APBA1: variants seen among roughly 807,000 people sequenced by gnomAD.
APBA1 encodes the protein amyloid-beta A4 precursor protein-binding family A member 1.
A neutral mutation model predicts 86.6 loss-of-function variants in APBA1; 55 were observed. The ratio of observed to expected loss-of-function variants is 0.64; its 90% CI spans 0.51 to 0.80. The LOEUF (loss-of-function observed/expected upper bound fraction) is 0.80, where lower values mean the gene tolerates loss of function less well. Ranked by LOEUF, APBA1 falls within the 30% of genes least tolerant of loss-of-function variation. The pLI is 0.00. For missense variants in APBA1, 1,090 were observed against 1,183.0 expected, an observed-to-expected ratio of 0.92 and a Z score of 1.15; for synonymous variants, 511 against 493.9, an observed-to-expected ratio of 1.03 and a Z score of -0.46.
At chr9:69,443,330 G>C (rs926970044) in intron 10 of APBA1, among the ~76,000 whole-genome samples, 1 of 152,222 alleles carries the variant, frequency 6.6e-6, no homozygotes, top group East Asian at 1.9e-4. Context: ...GACCTCATCT[G>C]CATCCAGGTG....
chr9:69,493,008 T>C (rs1835738588), intron 2 of APBA1, among the ~76,000 whole-genome samples: 2 of 151,964 alleles, frequency 1.3e-5, no homozygotes, highest in Admixed American at 1.3e-4. Context: ...GAATCAGGTG[T>C]TGGGTTTTTA....
At chr9:69,447,447 G>A (rs539944805) in intron 10 of APBA1, among the ~76,000 whole-genome samples, 5 of 152,150 alleles carry the variant, frequency 3.3e-5, no homozygotes, top group Non-Finnish European at 5.9e-5. Flanking sequence ...ATAACTCTGT[G>A]CTGTGGGGCT....
intron 1 of APBA1, among the ~76,000 whole-genome samples, chr9:69,561,946 G>A (rs1262210187): frequency 6.6e-6 from 1 of 152,042 alleles, no homozygotes; most frequent in African/African-American, 2.4e-5. Flanking sequence ...ATTTTTTAAG[G>A]TGACTGTAAT....
intron 2 of APBA1, among the ~76,000 whole-genome samples, chr9:69,511,226 GA>G (rs1157169730): frequency 6.6e-6 from 1 of 152,048 alleles, no homozygotes; most frequent in African/African-American, 2.4e-5. Context: ...AAATTTACAA[GA>G]AAAAACCAAA....
chr9:69,567,441 T>C (rs1303675792), intron 1 of APBA1, among the ~76,000 whole-genome samples: 1 of 152,194 alleles, frequency 6.6e-6, no homozygotes, highest in Non-Finnish European at 1.5e-5. Flanking sequence ...TTTTGTATTA[T>C]ACTTTAAGTT....
At chr9:69,589,963 G>A (rs750688863) in intron 1 of APBA1, among the ~76,000 whole-genome samples, 3 of 152,130 alleles carry the variant, frequency 2.0e-5, no homozygotes, top group Non-Finnish European at 4.4e-5. Context: ...TTTGGTAGTG[G>A]AAGCACAGCA....
intron 4 of APBA1, among the ~76,000 whole-genome samples, chr9:69,471,448 CA>C (rs1176140024): frequency 6.6e-6 from 1 of 152,180 alleles, no homozygotes; most frequent in Non-Finnish European, 1.5e-5. Context: ...TCCTCATCCA[CA>C]TAATGAGCAA....
intron 7 of APBA1, 146 bp from the exon 8 acceptor site, chr9:69,456,578 G>T (rs183303717): frequency 5.1e-6 from 4 of 780,642 alleles, no homozygotes; most frequent in East Asian, 2.7e-5. Flanking sequence ...AGGGATCAAC[G>T]GATACCCACC....
At chr9:69,535,261 G>A (rs1298209969) in intron 1 of APBA1, among the ~76,000 whole-genome samples, 2 of 152,178 alleles carry the variant, frequency 1.3e-5, no homozygotes, top group African/African-American at 4.8e-5. Flanking sequence ...TGGGTCTTGG[G>A]TGAGGCCTGG....
intron 1 of APBA1, among the ~76,000 whole-genome samples, chr9:69,632,268 C>G (rs964010894): frequency 1.3e-5 from 2 of 152,026 alleles, no homozygotes; most frequent in African/African-American, 4.8e-5. Context: ...ATTTCAAACA[C>G]ATTAAATCTC....
At chr9:69,476,226 A>G in intron 2 of APBA1, 83 bp from the exon 3 acceptor site, 1 of 982,448 alleles carries the variant, frequency 1.0e-6, no homozygotes, top group South Asian at 1.5e-5. Flanking sequence ...CGGGAGAGAG[A>G]AGCAAAGCAG....
chr9:69,593,573 A>G (rs181105526), intron 1 of APBA1, among the ~76,000 whole-genome samples: 187 of 152,364 alleles, frequency 1.2e-3, no homozygotes, highest in Middle Eastern at 0.01. Flanking sequence ...TATGTGGCTC[A>G]GGAAATTACA....
intron 1 of APBA1, among the ~76,000 whole-genome samples, chr9:69,641,654 T>C (rs1823288830): frequency 6.6e-6 from 1 of 151,962 alleles, no homozygotes; most frequent in African/African-American, 2.4e-5. Context: ...TGATAATCTT[T>C]TCAAAAAAGG....
At chr9:69,592,855 A>T (rs1822158134) in intron 1 of APBA1, among the ~76,000 whole-genome samples, 1 of 152,214 alleles carries the variant, frequency 6.6e-6, no homozygotes, top group African/African-American at 2.4e-5. Context: ...GCTTTTCTTC[A>T]TATCATTAGG....
chr9:69,618,668 C>T (rs1380884003), intron 1 of APBA1, among the ~76,000 whole-genome samples: 1 of 152,114 alleles, frequency 6.6e-6, no homozygotes, highest in Non-Finnish European at 1.5e-5. Context: ...CAGATAGAGA[C>T]AAGGAGCCAT....
chr9:69,474,092 T>C (rs1412618782), intron 3 of APBA1, among the ~76,000 whole-genome samples: 1 of 152,158 alleles, frequency 6.6e-6, no homozygotes, highest in Non-Finnish European at 1.5e-5. Flanking sequence ...CAAGAATAAA[T>C]AAATAAAGTT....
intron 2 of APBA1, among the ~76,000 whole-genome samples, chr9:69,498,607 C>T (rs1298127359): frequency 6.6e-6 from 1 of 152,120 alleles, no homozygotes; most frequent in Non-Finnish European, 1.5e-5. Context: ...CAGAGCCTGT[C>T]TGTGTCAGTC....
chr9:69,443,560 C>T (rs1466224824), intron 10 of APBA1, among the ~76,000 whole-genome samples: 3 of 152,190 alleles, frequency 2.0e-5, no homozygotes, highest in Admixed American at 2.0e-4. Flanking sequence ...TGCATCAAAA[C>T]CCACCCTGAT....
chr9:69,588,938 G>T (rs1049611127), intron 1 of APBA1, among the ~76,000 whole-genome samples: 6 of 152,024 alleles, frequency 3.9e-5, no homozygotes, highest in Admixed American at 3.3e-4. Context: ...TTGAGGGGAA[G>T]AATAGTATCT....
Sources: gnomAD v4.1 joint callset for allele counts (sites outside exome capture counted in the v4.1 genomes callset) on GRCh38, gnomAD v4.1.1 for gene constraint, MANE v1.5 for transcripts, NCBI Gene and HGNC (gene_info 2026-07-23, HGNC 2026-07-21) for gene names.